The following BPNT2 variants were observed in gnomAD, a reference collection of about 807,000 sequenced individuals.
The protein encoded by BPNT2 is Golgi-resident adenosine 3',5'-bisphosphate 3'-phosphatase.
A neutral mutation model predicts 29.3 loss-of-function variants in BPNT2; 11 were observed. That is an observed-to-expected ratio of 0.38 (90% CI 0.24 to 0.62). The LOEUF (loss-of-function observed/expected upper bound fraction) is 0.62, where lower values mean the gene tolerates loss of function less well. BPNT2 is among the 20% of genes least tolerant of loss of function. The probability of loss-of-function intolerance (pLI) is 0.62; values close to 1 mark genes in which losing one functional copy is unlikely to be tolerated. For missense variants in BPNT2, 459 were observed against 473.4 expected, an observed-to-expected ratio of 0.97 and a Z score of 0.28; for synonymous variants, 195 against 187.7, an observed-to-expected ratio of 1.04 and a Z score of -0.32.
rs1488634008 is a variant in BPNT2 at position 56,961,567 on chromosome 8, A to AT, written c.*2225dup. The AT allele has an allele frequency of 6.6e-6, 1 of 152,178 alleles. No individual in the cohort carries two copies. The highest frequency in any genetic ancestry group is 2.4e-5 in the African/African-American group (1 of 41,456). 9.4% of individuals were successfully genotyped at this position (152,178 alleles called of 1,614,324 possible). A position where few individuals can be genotyped will look rare whatever the true frequency, so the allele number is the denominator to read the frequency against. ...CATTATCTAGATGCAGATTAATACA[A>AT]TTAAAAATAAAAATAAAATCATCAC... On this transcript the variant is annotated 3_prime_UTR_variant, in exon 5 of 5. Coordinates refer to ENST00000262644, the MANE Select transcript of BPNT2 (RefSeq NM_017813.5).
At chr8:56,972,842 T>C (rs113633697) in intron 3 of BPNT2, among the ~76,000 whole-genome samples, 2,199 of 150,410 alleles carry the variant, frequency 0.015, 45 homozygotes, top group African/African-American at 0.05. Flanking sequence ...ACAAGTGTCC[T>C]ATTCTGGAAA....
At chr8:56,972,467 C>T (rs1257905413) in intron 3 of BPNT2, among the ~76,000 whole-genome samples, 1 of 151,980 alleles carries the variant, frequency 6.6e-6, no homozygotes, top group African/African-American at 2.4e-5. Flanking sequence ...GAAGCCATTG[C>T]TGAAGCTACA....
intron 1 of BPNT2, among the ~76,000 whole-genome samples, chr8:56,990,333 C>G (rs983171090): frequency 1.9e-4 from 29 of 152,212 alleles, no homozygotes; most frequent in Admixed American, 1.5e-3. Flanking sequence ...TGCAAACCCA[C>G]TCCACAAAAG....
chr8:56,972,041 G>A (rs527552230), intron 3 of BPNT2, among the ~76,000 whole-genome samples: 189 of 151,722 alleles, frequency 1.2e-3, no homozygotes, highest in Non-Finnish European at 1.2e-3. Flanking sequence ...CCTGCAGTGG[G>A]CTGAGATCAC....
intron 1 of BPNT2, 58 bp downstream of exon 1, chr8:56,993,141 T>C: frequency 6.4e-7 from 1 of 1,554,744 alleles, no homozygotes; most frequent in South Asian, 1.2e-5. Context: ...CTGTTAAGAG[T>C]CGACGGGCCG....
rs1472801414 is a variant in BPNT2, at chr8:56,966,285, C to T, written c.714G>A (p.Arg238=). ...CTGAATGGGAACGAGACACAACGAT[C>T]CTTGGGGTCTTCTCATTGTAGGAAG... ...ARSSYNEKTP[R]IVVSRSHSGM... Residue 238 remains arginine (R), a synonymous_variant, in exon 4 of 5, where the codon AGG becomes AGA. Coordinates refer to ENST00000262644, the MANE Select transcript of BPNT2 (RefSeq NM_017813.5). The T allele has an allele frequency of 6.2e-7, 1 of 1,613,836 alleles. No homozygotes were observed. Among genetic ancestry groups the T allele is most frequent in the South Asian group, 1.1e-5 (1 of 91,074 alleles).
At chr8:56,986,931 A>C (rs1443745121) in intron 1 of BPNT2, among the ~76,000 whole-genome samples, 7 of 152,290 alleles carry the variant, frequency 4.6e-5, no homozygotes, top group African/African-American at 1.4e-4. Context: ...TCTTAAGACA[A>C]GTTTGTCTAT....
rs1373410034 is a variant in BPNT2, at chr8:56,959,208, TTTATG to T, written c.*4580_*4584del. 11 of 152,212 alleles carry T rather than the reference TTTATG, an allele frequency of 7.2e-5. No homozygotes were observed. Among genetic ancestry groups the T allele is most frequent in the African/African-American group, 2.7e-4 (11 of 41,458 alleles). The allele number at this position is 152,212 out of a possible 1,614,324, so 9.4% of individuals were successfully genotyped here. On this transcript the variant is annotated 3_prime_UTR_variant, in exon 5 of 5. Transcript: ENST00000262644. Reference sequence around the variant, plus strand: ...TCATCCTTAACTTCTGAAAGTTTGGTTTATGTTATCTTATCTAGAAAGAAAACTAC... The same window carrying T: ...TCATCCTTAACTTCTGAAAGTTTGGTTTATCTTATCTAGAAAGAAAACTAC...
At chr8:56,979,248 T>C (rs1442192951) in intron 2 of BPNT2, among the ~76,000 whole-genome samples, 1 of 152,180 alleles carries the variant, frequency 6.6e-6, no homozygotes, top group Non-Finnish European at 1.5e-5. Flanking sequence ...TCTTTAGGTA[T>C]AAATTAACTT....
chr8:56,965,494 C>G (rs1038189876), intron 4 of BPNT2, among the ~76,000 whole-genome samples: 2 of 152,120 alleles, frequency 1.3e-5, no homozygotes, highest in Non-Finnish European at 2.9e-5. Context: ...CAAACAGCCC[C>G]TCAAGCTAAA....
In BPNT2 at chr8:56,993,280, G is replaced by T. The variant is rs762426262; in HGVS notation, c.306C>A (p.Ala102=). ...CGTCGCCGCTGGTCATCTTGTCCTC[G>T]GCTCCCTCGCGCGTCTTCCCCTTGG... ...EKSKGKTREG[A]EDKMTSGDVL... is the part of the protein sequence containing the mutation. The change falls in exon 1 of 5, where the codon GCC becomes GCA. Residue 102 remains alanine, a synonymous_variant. Transcript: ENST00000262644. 6.2e-7 allele frequency: 1 copy of T among 1,611,464 alleles called. No homozygotes were observed.
chr8:56,965,954 C>G (rs1805940010), intron 4 of BPNT2, among the ~76,000 whole-genome samples: 1 of 151,992 alleles, frequency 6.6e-6, no homozygotes. Flanking sequence ...TGGGAATATG[C>G]TTTTGTGTAT....
At position 56,959,918 on chromosome 8, in the gene BPNT2, C is replaced by CT. The variant is rs1199059194; in HGVS notation, c.*3874dup. On this transcript the variant is annotated 3_prime_UTR_variant, in exon 5 of 5. Transcript: ENST00000262644. ...ACAATGCCCTATTGTTAAGGCACAA[C>CT]TTTTTTTAGATTAAAAATGAAACCA... 1 of 152,082 alleles carries CT rather than the reference C, an allele frequency of 6.6e-6. No individual in the cohort carries two copies. Among genetic ancestry groups the CT allele is most frequent in the Non-Finnish European group, 1.5e-5 (1 of 68,006 alleles). The allele number at this position is 152,082 out of a possible 1,614,324, so 9.4% of individuals were successfully genotyped here.
chr8:56,993,016 A>G, intron 1 of BPNT2, among the ~76,000 whole-genome samples, 183 bp downstream of exon 1: 1 of 152,170 alleles, frequency 6.6e-6, no homozygotes, highest in East Asian at 1.9e-4. Flanking sequence ...GCCCTGAGTC[A>G]GACTACGTGC....
Position 56,958,452 on chromosome 8 carries a change from T to C in BPNT2, c.*5341A>G, listed in dbSNP as rs1805775004. The C allele has an allele frequency of 6.6e-6, 1 of 152,160 alleles. No homozygotes were observed. Among genetic ancestry groups the C allele is most frequent in the African/African-American group, 2.4e-5 (1 of 41,436 alleles). 9.4% of individuals were successfully genotyped at this position (152,160 alleles called of 1,614,324 possible). A position where few individuals can be genotyped will look rare whatever the true frequency, so the allele number is the denominator to read the frequency against. On this transcript the variant is annotated 3_prime_UTR_variant, in exon 5 of 5. Transcript: ENST00000262644. Reference sequence around the variant, plus strand: ...AATTTGGTAGTATGGGTGAGGAAGGTCATAACACGCTAAGTAAACTGGTGT... The same window carrying C: ...AATTTGGTAGTATGGGTGAGGAAGGCCATAACACGCTAAGTAAACTGGTGT...
In BPNT2 at chr8:56,963,829, T is replaced by C. The variant is rs768934175; in HGVS notation, c.1044A>G (p.Arg348=). ...SIRMNHQALV[R]KLPDLEKTGH... ...CTGTCTTTTCTAGATCTGGGAGTTT[T>C]CTGACCAGGGCCTGGTGGTTCATTC... Residue 348 remains arginine (R), a synonymous_variant, in exon 5 of 5, where the codon AGA becomes AGG. Transcript: ENST00000262644. The C allele has an allele frequency of 3.5e-5, 57 of 1,614,216 alleles. No homozygotes were observed. The highest frequency in any genetic ancestry group is 4.7e-5 in the Non-Finnish European group (56 of 1,180,040).
chr8:56,966,556 A>G (rs77168964), intron 3 of BPNT2, among the ~76,000 whole-genome samples: 1 of 152,326 alleles, frequency 6.6e-6, no homozygotes, highest in African/African-American at 2.4e-5. Context: ...ATGTATTAAG[A>G]CAAAACTAAA....
chr8:56,991,248 A>C (rs572771615), intron 1 of BPNT2, among the ~76,000 whole-genome samples: 4 of 152,364 alleles, frequency 2.6e-5, no homozygotes, highest in African/African-American at 9.6e-5. Context: ...GTCATGACCC[A>C]ACATGAATAC....
At chr8:56,980,892 TATTA>T (rs1455037576) in intron 1 of BPNT2, among the ~76,000 whole-genome samples, 1 of 150,218 alleles carries the variant, frequency 6.7e-6, no homozygotes, top group East Asian at 1.9e-4. Context: ...GTATAATATA[TATTA>T]TATATTATTT....
Sources: allele counts gnomAD v4.1 joint callset (sites outside exome capture counted in the v4.1 genomes callset), GRCh38; gene constraint gnomAD v4.1.1; transcripts MANE v1.5; gene names NCBI Gene and HGNC (gene_info 2026-07-23, HGNC 2026-07-21).